The following CELF2 variants were observed in gnomAD, a reference collection of about 807,000 sequenced individuals.
CELF2 encodes CUGBP Elav-like family member 2.
Under a neutral mutation model 62.6 loss-of-function variants are expected in CELF2, and 8 were observed. The ratio of observed to expected loss-of-function variants is 0.13; its 90% CI spans 0.07 to 0.23. The LOEUF (loss-of-function observed/expected upper bound fraction) is 0.23, where lower values mean the gene tolerates loss of function less well. Among genes scored for constraint, CELF2 ranks in the 10% least tolerant of loss-of-function variants. The pLI is 1.00. For missense variants in CELF2, 333 were observed against 671.0 expected, an observed-to-expected ratio of 0.50 and a Z score of 5.56; for synonymous variants, 258 against 250.0, an observed-to-expected ratio of 1.03 and a Z score of -0.30.
intron 9 of CELF2, among the ~76,000 whole-genome samples, 167 bp downstream of exon 9, chr10:11,288,719 A>G (rs893599701): frequency 5.3e-5 from 8 of 152,230 alleles, no homozygotes; most frequent in African/African-American, 1.9e-4. Context: ...AAAATGGTCA[A>G]AGTTCGAATT....
chr10:10,879,274 G>T (rs538836199), intron 1 of CELF2, among the ~76,000 whole-genome samples: 1 of 152,170 alleles, frequency 6.6e-6, no homozygotes, highest in Non-Finnish European at 1.5e-5. Flanking sequence ...GGCTGCTCCT[G>T]TGTCTCCCAG....
rs1190700072 is a variant in CELF2, at chr10:11,110,422, A to T, written c.75-55064A>T. On this transcript the variant is annotated intron_variant, in intron 1 of 12. Transcript: ENST00000633077. This position sits in a 1 kb window ranked among gnomAD's most constrained non-coding sequence, Gnocchi z 4.0. ...CGATGAAGTTTTAGGAAGCCATCTA[A>T]CGCTTAGTACTTCTTTTCCCATCTC... Among the ~76,000 whole-genome samples the T allele has an allele frequency of 6.6e-6, 1 of 152,242 alleles. No homozygotes were observed. Among genetic ancestry groups the T allele is most frequent in the Non-Finnish European group, 1.5e-5 (1 of 68,040 alleles).
intron 2 of CELF2, among the ~76,000 whole-genome samples, chr10:11,173,720 T>C (rs1419020007): frequency 6.6e-6 from 1 of 152,200 alleles, no homozygotes; most frequent in East Asian, 1.9e-4. Flanking sequence ...TTATCTAATA[T>C]TGGGTGGGCC....
the CELF2 span, among the ~76,000 whole-genome samples, chr10:10,752,688 C>CAAAAAAAAAAAAAAAAAAAA: frequency 3.4e-5 from 2 of 58,954 alleles, no homozygotes; most frequent in Non-Finnish European, 3.2e-5. Flanking sequence ...GACTCCGTCT[C>CAAAAAAAAAAAAAAAAAAAA]AAAAAAAAAA....
At chr10:10,766,249 T>C in the CELF2 span, among the ~76,000 whole-genome samples, 1 of 152,218 alleles carries the variant, frequency 6.6e-6, no homozygotes, top group East Asian at 1.9e-4. Context: ...AGGTTTACCC[T>C]GAGCTGTGCC....
At chr10:11,146,390 T>C (rs927247255) in intron 1 of CELF2, among the ~76,000 whole-genome samples, 1 of 152,242 alleles carries the variant, frequency 6.6e-6, no homozygotes, top group African/African-American at 2.4e-5. Context: ...TCTTAAAAAA[T>C]GGATAAGATA....
the CELF2 span, among the ~76,000 whole-genome samples, chr10:10,689,267 T>C: frequency 6.6e-6 from 1 of 152,074 alleles, no homozygotes; most frequent in East Asian, 1.9e-4. Context: ...CTTCTTCACA[T>C]GGTGGCAGGA....
the CELF2 span, among the ~76,000 whole-genome samples, chr10:10,783,396 A>G: frequency 6.6e-6 from 1 of 152,130 alleles, no homozygotes; most frequent in Non-Finnish European, 1.5e-5. Flanking sequence ...CCATCTACAA[A>G]CCAAGGGATG....
the CELF2 span, among the ~76,000 whole-genome samples, chr10:10,649,138 G>T: frequency 1.3e-5 from 2 of 152,174 alleles, no homozygotes; most frequent in Non-Finnish European, 2.9e-5. Flanking sequence ...TCATGCTGGT[G>T]AAAGTCGCGA....
At chr10:10,782,920 G>C in the CELF2 span, among the ~76,000 whole-genome samples, 1 of 152,136 alleles carries the variant, frequency 6.6e-6, no homozygotes, top group Admixed American at 6.5e-5. Flanking sequence ...ACCCTCCCTT[G>C]TGAATGTGAC....
intron 1 of CELF2, among the ~76,000 whole-genome samples, chr10:11,081,767 AG>A (rs1389326545): frequency 3.3e-5 from 5 of 152,128 alleles, no homozygotes; most frequent in Admixed American, 6.5e-5. Context: ...GTATTGGCAA[AG>A]GGTTTCTAGT....
the CELF2 span, among the ~76,000 whole-genome samples, chr10:10,689,544 T>A: frequency 1.3e-5 from 2 of 152,234 alleles, no homozygotes; most frequent in African/African-American, 4.8e-5. Flanking sequence ...AGTATTTGAA[T>A]ATACTTCATA....
chr10:10,962,875 A>G (rs781423130), intron 2 of CELF2, among the ~76,000 whole-genome samples: 6 of 151,948 alleles, frequency 3.9e-5, no homozygotes, highest in Admixed American at 2.6e-4. Flanking sequence ...AGTCAATTCC[A>G]TTTTGCTTGG....
At chr10:10,741,492 CAA>C in the CELF2 span, among the ~76,000 whole-genome samples, 9 of 57,326 alleles carry the variant, frequency 1.6e-4, no homozygotes, top group Admixed American at 4.2e-4. Flanking sequence ...GACTCCGTCT[CAA>C]AAAAAAAAAA....
intron 1 of CELF2, among the ~76,000 whole-genome samples, chr10:11,043,359 A>G (rs757366867): frequency 8.5e-5 from 13 of 152,240 alleles, no homozygotes; most frequent in Non-Finnish European, 1.9e-4. Flanking sequence ...GAAAAAACAC[A>G]TGAGAAAATA....
the CELF2 span, among the ~76,000 whole-genome samples, chr10:10,622,161 G>T: frequency 6.6e-6 from 1 of 152,304 alleles, no homozygotes; most frequent in Non-Finnish European, 1.5e-5. Context: ...ATTCTGAGGC[G>T]CTGCCAGGGT....
At chr10:10,756,274 T>C in the CELF2 span, among the ~76,000 whole-genome samples, 1 of 152,250 alleles carries the variant, frequency 6.6e-6, no homozygotes, top group African/African-American at 2.4e-5. Context: ...CTTTCAAAAG[T>C]TCTGTCTGTA....
At chr10:10,504,955 G>C in the CELF2 span, among the ~76,000 whole-genome samples, 1 of 151,868 alleles carries the variant, frequency 6.6e-6, no homozygotes, top group South Asian at 2.1e-4. Context: ...GTTTGTAATT[G>C]CTTGTTGAAG....
At chr10:10,668,410 T>C in the CELF2 span, among the ~76,000 whole-genome samples, 2 of 152,228 alleles carry the variant, frequency 1.3e-5, no homozygotes, top group African/African-American at 2.4e-5. Flanking sequence ...TGCTGCTTCA[T>C]GGACCCAGTT....
Sources: allele counts gnomAD v4.1 joint callset (sites outside exome capture counted in the v4.1 genomes callset), GRCh38; gene constraint gnomAD v4.1.1; non-coding constraint Gnocchi (gnomAD v3.1); transcripts MANE v1.5; gene names NCBI Gene and HGNC (gene_info 2026-07-23, HGNC 2026-07-21).